Variants in ADAM7 observed in about 807,000 individuals in gnomAD.
The protein encoded by ADAM7 is disintegrin and metalloproteinase domain-containing protein 7.
Under a neutral mutation model 102.9 loss-of-function variants are expected in ADAM7, and 97 were observed. That is an observed-to-expected ratio of 0.94 (90% CI 0.80 to 1.12). ADAM7 has a LOEUF of 1.12. Among genes scored for constraint, ADAM7 ranks in the 50% most tolerant of loss-of-function variants. The probability of loss-of-function intolerance (pLI) is 0.00; values close to 1 mark genes in which losing one functional copy is unlikely to be tolerated. For missense variants in ADAM7, 991 were observed against 908.7 expected, an observed-to-expected ratio of 1.09 and a Z score of -1.16; for synonymous variants, 334 against 304.4, an observed-to-expected ratio of 1.10 and a Z score of -1.01.
At chr8:24,488,483 G>A (rs1012825494) in intron 11 of ADAM7, among the ~76,000 whole-genome samples, 1 of 152,068 alleles carries the variant, frequency 6.6e-6, no homozygotes, top group Admixed American at 6.6e-5. Context: ...CACAGAATAA[G>A]AACACAGTAA....
chr8:24,498,783 A>G (rs985107972), intron 16 of ADAM7, among the ~76,000 whole-genome samples: 5 of 151,934 alleles, frequency 3.3e-5, no homozygotes, highest in African/African-American at 1.2e-4. Flanking sequence ...AGGAAAATTT[A>G]AAGCAAAAAT....
intron 21 of ADAM7, 103 bp from the exon 22 acceptor site, chr8:24,508,443 C>T (rs1409971309): frequency 1.7e-5 from 20 of 1,210,388 alleles, no homozygotes; most frequent in Non-Finnish European, 1.9e-5. Context: ...CTACAGAACA[C>T]AGAAAGGTTA....
At chr8:24,478,912 GGATTA>G (rs1448091123) in intron 8 of ADAM7, among the ~76,000 whole-genome samples, 4 of 152,076 alleles carry the variant, frequency 2.6e-5, no homozygotes, top group Admixed American at 1.3e-4. Flanking sequence ...ATGCGGAATT[GGATTA>G]ATCTGGTCAG....
intron 15 of ADAM7, among the ~76,000 whole-genome samples, 180 bp downstream of exon 15, chr8:24,492,777 T>C (rs1192503768): frequency 6.6e-6 from 1 of 152,146 alleles, no homozygotes; most frequent in Non-Finnish European, 1.5e-5. Flanking sequence ...AATAAAAAAA[T>C]ATTCCCCTGT....
rs1242124669 is a variant in ADAM7, at chr8:24,499,956, C to A, written c.1924-222C>A. Among the ~76,000 whole-genome samples, 3 of 152,154 alleles carry A rather than the reference C, an allele frequency of 2.0e-5. No individual in the cohort carries two copies. In the East Asian group the frequency reaches 5.8e-4, roughly 29 times the overall value. Reference sequence around the variant, plus strand: ...TGCCTTTGAATTTGTCAGTATCATTCTCTTATTCACAGGCCGTTTTCAAAG... The same window carrying A: ...TGCCTTTGAATTTGTCAGTATCATTATCTTATTCACAGGCCGTTTTCAAAG... On this transcript the variant is annotated intron_variant, in intron 17 of 21. Coordinates refer to ENST00000175238, the MANE Select transcript of ADAM7 (RefSeq NM_003817.4).
At chr8:24,450,347 C>A (rs1818734433) in intron 3 of ADAM7, among the ~76,000 whole-genome samples, 1 of 152,124 alleles carries the variant, frequency 6.6e-6, no homozygotes, top group Non-Finnish European at 1.5e-5. Context: ...TTGTAGTTCT[C>A]CTTGAAGAGG....
At chr8:24,505,796 T>G (rs1393548494) in intron 20 of ADAM7, among the ~76,000 whole-genome samples, 1 of 152,088 alleles carries the variant, frequency 6.6e-6, no homozygotes, top group Non-Finnish European at 1.5e-5. Flanking sequence ...AATAGGAAAT[T>G]GTGGAGTTTC....
chr8:24,462,584 G>A (rs1361275867), intron 3 of ADAM7, among the ~76,000 whole-genome samples: 1 of 152,060 alleles, frequency 6.6e-6, no homozygotes, highest in Admixed American at 6.6e-5. Context: ...TTCAGAGTCT[G>A]CCTGCTTTTG....
At chr8:24,443,539 A>T (rs563586647) in intron 2 of ADAM7, among the ~76,000 whole-genome samples, 270 of 152,298 alleles carry the variant, frequency 1.8e-3, no homozygotes, top group Admixed American at 3.9e-3. Flanking sequence ...GAAGATTGGT[A>T]CTCAGCTAAG....
Position 24,509,347 on chromosome 8 carries a change from C to G in ADAM7, c.*801C>G. 1 of 985,346 alleles carries G rather than the reference C, an allele frequency of 1.0e-6. No individual in the cohort carries two copies. The highest frequency in any genetic ancestry group is 1.2e-6 in the Non-Finnish European group (1 of 829,924). 61.0% of individuals were successfully genotyped at this position (985,346 alleles called of 1,614,324 possible). ...GTGCTGTCTCTGCCCTCTCCCTATC[C>G]GTTTGTTATGGGATGGGGGATTACC... On this transcript the variant is annotated 3_prime_UTR_variant, in exon 22 of 22. Coordinates refer to ENST00000175238, the MANE Select transcript of ADAM7 (RefSeq NM_003817.4).
intron 5 of ADAM7, 62 bp from the exon 6 acceptor site, chr8:24,466,737 C>G: frequency 2.0e-6 from 3 of 1,488,368 alleles, no homozygotes; most frequent in Admixed American, 3.9e-5. Flanking sequence ...AAGGCAAAGT[C>G]AATACAATGA....
chr8:24,449,516 T>C (rs1818697884), intron 3 of ADAM7, among the ~76,000 whole-genome samples: 1 of 152,318 alleles, frequency 6.6e-6, no homozygotes, highest in Non-Finnish European at 1.5e-5. Context: ...TTCTTGTAAA[T>C]TTGTTTGAGT....
intron 20 of ADAM7, among the ~76,000 whole-genome samples, chr8:24,507,267 A>G (rs1476212486): frequency 1.3e-5 from 2 of 152,074 alleles, no homozygotes; most frequent in Non-Finnish European, 2.9e-5. Flanking sequence ...TGCTTAACCA[A>G]CACCATCTAT....
intron 7 of ADAM7, among the ~76,000 whole-genome samples, chr8:24,470,531 T>A (rs749088863): frequency 2.6e-5 from 4 of 151,614 alleles, no homozygotes; most frequent in African/African-American, 9.7e-5. Flanking sequence ...CTTGCACACA[T>A]ACACCTACAG....
Position 24,509,386 on chromosome 8 carries a change from C to T in ADAM7, c.*840C>T. On this transcript the variant is annotated 3_prime_UTR_variant, in exon 22 of 22. Coordinates refer to ENST00000175238, the MANE Select transcript of ADAM7 (RefSeq NM_003817.4). ...TGGGGGATTACCCTGGGAATGATTT[C>T]AGCTGCTTCTTACACAGATGCCTCT... 1 of 985,406 alleles carries T rather than the reference C, an allele frequency of 1.0e-6. No individual in the cohort carries two copies. The highest frequency in any genetic ancestry group is 1.2e-6 in the Non-Finnish European group (1 of 829,924). The allele number at this position is 985,406 out of a possible 1,614,324, so 61.0% of individuals were successfully genotyped here.
chr8:24,468,358 G>T (rs1165363859), intron 6 of ADAM7, among the ~76,000 whole-genome samples: 1 of 151,708 alleles, frequency 6.6e-6, no homozygotes, highest in Non-Finnish European at 1.5e-5. Context: ...TGACCTGAAA[G>T]CCTAAACAAA....
chr8:24,493,309 C>T, intron 16 of ADAM7, 80 bp downstream of exon 16: 1 of 1,312,660 alleles, frequency 7.6e-7, no homozygotes, highest in African/African-American at 1.5e-5. Flanking sequence ...TAATTGCTTC[C>T]AAAGAGGTCT....
chr8:24,482,507 G>A (rs945662567), intron 9 of ADAM7, among the ~76,000 whole-genome samples, 196 bp downstream of exon 9: 2 of 152,104 alleles, frequency 1.3e-5, no homozygotes, highest in African/African-American at 4.8e-5. Context: ...CAACATTTTA[G>A]GAGACCAAAG....
chr8:24,458,650 C>T (rs958696053), intron 3 of ADAM7, among the ~76,000 whole-genome samples: 1 of 151,900 alleles, frequency 6.6e-6, no homozygotes, highest in Non-Finnish European at 1.5e-5. Context: ...TATTTTTATA[C>T]TTTATTTTAT....
Sources: gnomAD v4.1 joint callset for allele counts (sites outside exome capture counted in the v4.1 genomes callset) on GRCh38, gnomAD v4.1.1 for gene constraint, MANE v1.5 for transcripts, NCBI Gene and HGNC (gene_info 2026-07-23, HGNC 2026-07-21) for gene names.